The following HECW1 variants were observed in gnomAD, a reference collection of about 807,000 sequenced individuals.
HECW1 encodes the protein HECT, C2 and WW domain containing E3 ubiquitin protein ligase 1.
Under a neutral mutation model 182.3 loss-of-function variants are expected in HECW1, and 61 were observed. That is an observed-to-expected ratio of 0.33 (90% confidence interval 0.27 to 0.41). HECW1 has a LOEUF of 0.41. Ranked by LOEUF, HECW1 falls within the 10% of genes least tolerant of loss-of-function variation. The pLI is 1.00. For missense variants in HECW1, 1,739 were observed against 2,108.9 expected, an observed-to-expected ratio of 0.82 and a Z score of 3.44; for synonymous variants, 859 against 832.6, an observed-to-expected ratio of 1.03 and a Z score of -0.55.
intron 3 of HECW1, among the ~76,000 whole-genome samples, chr7:43,247,646 A>AAG (rs1324455228): frequency 2.9e-5 from 4 of 139,152 alleles, no homozygotes; most frequent in East Asian, 4.9e-4. Context: ...GAAGGAAAGA[A>AAG]AGAGAGAGAG....
intron 6 of HECW1, among the ~76,000 whole-genome samples, chr7:43,388,278 G>A (rs2074880896): frequency 6.6e-6 from 1 of 152,148 alleles, no homozygotes; most frequent in Admixed American, 6.5e-5. Context: ...AATAAAACAT[G>A]ACTTGGTTAT....
At chr7:43,520,086 T>G (rs1396893312) in intron 24 of HECW1, among the ~76,000 whole-genome samples, 3 of 152,198 alleles carry the variant, frequency 2.0e-5, no homozygotes, top group Admixed American at 2.0e-4. Flanking sequence ...GCTTAATTAT[T>G]AGTGGTAAAC....
At chr7:43,198,443 T>A (rs1794695611) in intron 2 of HECW1, among the ~76,000 whole-genome samples, 1 of 133,268 alleles carries the variant, frequency 7.5e-6, no homozygotes. Context: ...ATTCACACAC[T>A]CACCCACCCT....
At chr7:43,439,861 AC>A (rs1345908112) in intron 9 of HECW1, 2 of 152,304 alleles carry the variant, frequency 1.3e-5, no homozygotes, top group African/African-American at 2.4e-5. Flanking sequence ...TGTTCTTGCC[AC>A]CCAGGGAAAT....
chr7:43,137,391 A>G (rs758900654), intron 2 of HECW1, among the ~76,000 whole-genome samples: 3 of 152,148 alleles, frequency 2.0e-5, no homozygotes, highest in Non-Finnish European at 4.4e-5. Context: ...CACATTCATC[A>G]TTCATCCAGT....
At chr7:43,457,681 A>G (rs2077447903) in intron 13 of HECW1, among the ~76,000 whole-genome samples, 1 of 151,976 alleles carries the variant, frequency 6.6e-6, no homozygotes, top group Non-Finnish European at 1.5e-5. Context: ...AGGCTGAGGC[A>G]GGAGAATCGC....
chr7:43,269,227 C>T (rs2152739632), intron 3 of HECW1, among the ~76,000 whole-genome samples: 2 of 152,366 alleles, frequency 1.3e-5, no homozygotes, highest in Middle Eastern at 3.4e-3. Context: ...CTACAACAAG[C>T]ATGCTGGAAA....
chr7:43,224,578 T>G (rs947780364), intron 2 of HECW1, among the ~76,000 whole-genome samples: 1 of 152,162 alleles, frequency 6.6e-6, no homozygotes, highest in African/African-American at 2.4e-5. Context: ...CACAGCACTT[T>G]GAGATGCTGA....
intron 3 of HECW1, among the ~76,000 whole-genome samples, chr7:43,250,597 C>T (rs138956130): frequency 6.6e-6 from 1 of 152,272 alleles, no homozygotes; most frequent in Non-Finnish European, 1.5e-5. Context: ...CAGGAACGTC[C>T]TGTGTGTACC....
chr7:43,320,596 T>TA, intron 4 of HECW1, 39 bp from the exon 5 acceptor site: 1 of 1,348,752 alleles, frequency 7.4e-7, no homozygotes, highest in African/African-American at 1.4e-5. Flanking sequence ...TGTTGACTGA[T>TA]ATGTTTCTCT....
At chr7:43,216,371 C>T (rs1796442401) in intron 2 of HECW1, among the ~76,000 whole-genome samples, 1 of 152,092 alleles carries the variant, frequency 6.6e-6, no homozygotes, top group African/African-American at 2.4e-5. Context: ...ATCTCAAACT[C>T]CTGACCTCAT....
chr7:43,393,091 G>A (rs1489713834), intron 6 of HECW1, among the ~76,000 whole-genome samples: 1 of 152,124 alleles, frequency 6.6e-6, no homozygotes, highest in East Asian at 1.9e-4. Flanking sequence ...ATTCAGTTTG[G>A]AATCTGTTAA....
chr7:43,438,332 A>G, intron 9 of HECW1, 187 bp downstream of exon 9: 3 of 490,304 alleles, frequency 6.1e-6, no homozygotes, highest in Non-Finnish European at 1.1e-5. Flanking sequence ...AAACAAACCC[A>G]TCCCTTTTCA....
At chr7:43,255,420 G>A (rs1299688551) in intron 3 of HECW1, among the ~76,000 whole-genome samples, 4 of 152,046 alleles carry the variant, frequency 2.6e-5, no homozygotes, top group South Asian at 4.2e-4. Flanking sequence ...CCAACATGGT[G>A]AAACCCCCTC....
At chr7:43,503,822 C>A (rs17172217) in intron 21 of HECW1, among the ~76,000 whole-genome samples, 2 of 152,154 alleles carry the variant, frequency 1.3e-5, no homozygotes, top group African/African-American at 4.8e-5. Flanking sequence ...GTGATAGTAC[C>A]AGCGGTAGTG....
chr7:43,207,549 C>T (rs569659901), intron 2 of HECW1, among the ~76,000 whole-genome samples: 6 of 152,208 alleles, frequency 3.9e-5, no homozygotes, highest in African/African-American at 1.4e-4. Context: ...AGTCATCTTA[C>T]CATGCTATAG....
intron 2 of HECW1, among the ~76,000 whole-genome samples, chr7:43,146,915 C>A (rs1788779266): frequency 6.6e-6 from 1 of 152,184 alleles, no homozygotes; most frequent in Non-Finnish European, 1.5e-5. Context: ...TGGTGAAGAT[C>A]ATCAAACTGG....
chr7:43,124,666 C>T (rs1479793279), intron 2 of HECW1, among the ~76,000 whole-genome samples: 2 of 152,160 alleles, frequency 1.3e-5, no homozygotes, highest in African/African-American at 2.4e-5. Context: ...CATCAACGAT[C>T]GAGGTGCAAA....
chr7:43,489,319 GA>G (rs763286545), intron 17 of HECW1, among the ~76,000 whole-genome samples: 22 of 151,994 alleles, frequency 1.4e-4, no homozygotes, highest in Non-Finnish European at 2.8e-4. Flanking sequence ...TTCCCTCCAA[GA>G]AAAAGAGACT....
Sources: gnomAD v4.1 joint callset for allele counts (sites outside exome capture counted in the v4.1 genomes callset) on GRCh38, gnomAD v4.1.1 for gene constraint, MANE v1.5 for transcripts, NCBI Gene and HGNC (gene_info 2026-07-23, HGNC 2026-07-21) for gene names.